GJA3: variants seen among roughly 807,000 people sequenced by gnomAD.
The protein encoded by GJA3 is gap junction alpha-3 protein.
For synonymous variants in GJA3, 297 were observed against 292.6 expected (o/e 1.02, Z -0.15); for missense variants, 571 against 620.3 (o/e 0.92, Z 0.84).
intron 1 of GJA3, among the ~76,000 whole-genome samples, chr13:20,152,637 G>A (rs1019556589): frequency 2.0e-5 from 3 of 152,120 alleles, no homozygotes; most frequent in Non-Finnish European, 4.4e-5. Context: ...GCCTGCCTTG[G>A]TCTCCCAAAG....
At chr13:20,153,268 G>A (rs989651286) in intron 1 of GJA3, among the ~76,000 whole-genome samples, 4 of 152,306 alleles carry the variant, frequency 2.6e-5, no homozygotes, top group African/African-American at 9.6e-5. Flanking sequence ...ATTTAGCACT[G>A]TTCAAGCAAG....
At chr13:20,145,028 T>G (rs1958833916) in intron 1 of GJA3, among the ~76,000 whole-genome samples, 1 of 151,980 alleles carries the variant, frequency 6.6e-6, no homozygotes, top group Non-Finnish European at 1.5e-5. Flanking sequence ...TAATAATACA[T>G]AAGTTAGCCA....
Position 20,142,566 on chromosome 13 carries a change from G to C in GJA3, c.723C>G (p.Asp241Glu). 3.1e-6 allele frequency: 5 copies of C among 1,591,822 alleles called. No homozygotes were observed. Among genetic ancestry groups the C allele is most frequent in the Admixed American group, 1.8e-5 (1 of 56,234 alleles). ...CTGTCCCCAGCGGGGCCTCGGAGGC[G>C]TCCGGGCCGAGGCGGCTGGTCACGC... ...KQGVTSRLGP[D>E]ASEAPLGTAD... The change falls in exon 2 of 2, where the codon GAC becomes GAG. Residue 241 changes from aspartate (D) to glutamate (E), a missense_variant. Physicochemically the swap from Asp to Glu is conservative, Grantham distance 45. Transcript: ENST00000241125.
In GJA3 at chr13:20,141,546, TC is replaced by T. The variant is rs527439343; in HGVS notation, c.*434del. The T allele has an allele frequency of 4.9e-3, 794 of 160,638 alleles. 7 individuals carry two copies. The highest frequency in any genetic ancestry group is 0.018 in the African/African-American group (745 of 41,850). The allele number at this position is 160,638 out of a possible 1,614,324, so 10.0% of individuals were successfully genotyped here. A position where few individuals can be genotyped will look rare whatever the true frequency, so the allele number is the denominator to read the frequency against. ...GTATCAAAGAGATAGAGCTAAGTGC[TC>T]TGGCCCAGAGCTAAGACCCTCTGGG... On this transcript the variant is annotated 3_prime_UTR_variant, in exon 2 of 2. Coordinates refer to ENST00000241125, the MANE Select transcript of GJA3 (RefSeq NM_021954.4).
At chr13:20,144,524 C>T (rs1288620151) in intron 1 of GJA3, among the ~76,000 whole-genome samples, 2 of 152,164 alleles carry the variant, frequency 1.3e-5, no homozygotes, top group African/African-American at 2.4e-5. Context: ...AGTGTGACTC[C>T]GAAGAAGGCA....
chr13:20,148,385 A>C (rs1958856469), intron 1 of GJA3, among the ~76,000 whole-genome samples: 1 of 151,102 alleles, frequency 6.6e-6, no homozygotes, highest in Admixed American at 6.6e-5. Context: ...TCAGCCTACC[A>C]AGTAGCTGGG....
At chr13:20,160,408 T>C (rs1593341969) in intron 1 of GJA3, among the ~76,000 whole-genome samples, 3 of 152,256 alleles carry the variant, frequency 2.0e-5, no homozygotes, top group Non-Finnish European at 4.4e-5. Context: ...AGCACGGCGA[T>C]GCTGAATGCC....
chr13:20,153,200 T>A (rs1385543875), intron 1 of GJA3, among the ~76,000 whole-genome samples: 4 of 145,584 alleles, frequency 2.7e-5, no homozygotes, highest in South Asian at 2.2e-4. Flanking sequence ...AACAAACCTG[T>A]CAAAATAACA....
chr13:20,149,751 C>T (rs140405419), intron 1 of GJA3, among the ~76,000 whole-genome samples: 1 of 152,278 alleles, frequency 6.6e-6, no homozygotes, highest in East Asian at 1.9e-4. Context: ...AAGGTGGGAA[C>T]AGGGGTTGTG....
At position 20,141,993 on chromosome 13, in the gene GJA3, G is replaced by A. The variant is rs1317891531; in HGVS notation, c.1296C>T (p.Asp432=). Reference sequence around the variant, plus strand: ...AGGCACCCGGGCACTAGATGGCCAAGTCCTCCGGTCTGGCCCGCCCGCTGC... The same window carrying A: ...AGGCACCCGGGCACTAGATGGCCAAATCCTCCGGTCTGGCCCGCCCGCTGC... The part of the protein sequence containing the change: ...RASSGRARPE[D]LAI The change falls in exon 2 of 2, where the codon GAC becomes GAT. Residue 432 remains aspartate (D), a synonymous_variant. Transcript: ENST00000241125. 3 of 1,550,120 alleles carry A rather than the reference G, an allele frequency of 1.9e-6. No individual in the cohort carries two copies. Among genetic ancestry groups the A allele is most frequent in the East Asian group, 4.9e-5 (2 of 40,906 alleles).
intron 1 of GJA3, among the ~76,000 whole-genome samples, chr13:20,156,512 A>G (rs557518462): frequency 6.6e-6 from 1 of 152,260 alleles, no homozygotes; most frequent in East Asian, 1.9e-4. Flanking sequence ...TGGTTTCACC[A>G]TGTTGGCCAG....
At chr13:20,158,638 G>A (rs998863130) in intron 1 of GJA3, among the ~76,000 whole-genome samples, 2 of 151,854 alleles carry the variant, frequency 1.3e-5, no homozygotes, top group South Asian at 2.1e-4. Flanking sequence ...TAGGCTGGGC[G>A]CGGTGGCTCA....
intron 1 of GJA3, among the ~76,000 whole-genome samples, chr13:20,160,297 T>C (rs1958929641): frequency 1.3e-5 from 2 of 152,230 alleles, no homozygotes; most frequent in African/African-American, 4.8e-5. Context: ...GTGGCATTAA[T>C]AGCTACAGTG....
intron 1 of GJA3, among the ~76,000 whole-genome samples, chr13:20,158,064 C>T (rs1958916104): frequency 6.6e-6 from 1 of 151,702 alleles, no homozygotes; most frequent in South Asian, 2.1e-4. Flanking sequence ...TCTCAAACTC[C>T]TGGGCTCAAG....
chr13:20,142,334 G>A lies in GJA3; in HGVS notation c.955C>T (p.His319Tyr). Residue 319 changes from histidine to tyrosine, a missense_variant, in exon 2 of 2, where the codon CAC becomes TAC. Physicochemically the swap from His to Tyr is moderately conservative, Grantham distance 83 (BLOSUM62 2). Transcript: ENST00000241125. ...TTCTGCTCAGTCATCAGCAGGTGGT[G>A]GTGGCCGTTGTAGAGCTTGGCGGAC... The part of the protein sequence containing the change: ...GQSAKLYNGH[H>Y]HLLMTEQNWA... 6.4e-7 allele frequency: 1 copy of A among 1,566,766 alleles called. No homozygotes were observed. The highest frequency in any genetic ancestry group is 8.6e-7 in the Non-Finnish European group (1 of 1,157,116).
intron 1 of GJA3, among the ~76,000 whole-genome samples, chr13:20,154,082 C>T (rs977871297): frequency 5.3e-5 from 8 of 152,142 alleles, no homozygotes; most frequent in South Asian, 2.1e-4. Flanking sequence ...ATGTGTCTTT[C>T]GACAATTTTT....
At chr13:20,158,949 GA>G (rs1958921860) in intron 1 of GJA3, among the ~76,000 whole-genome samples, 2 of 119,654 alleles carry the variant, frequency 1.7e-5, no homozygotes, top group Admixed American at 1.6e-4. Context: ...AAAAGAAAAA[GA>G]AAAAAAGCAA....
chr13:20,157,551 A>G (rs965578378), intron 1 of GJA3, among the ~76,000 whole-genome samples: 1 of 152,228 alleles, frequency 6.6e-6, no homozygotes, highest in East Asian at 1.9e-4. Context: ...TGCACAGCCC[A>G]CAGTGCTGAC....
rs192376858 is a variant in GJA3 at position 20,148,495 on chromosome 13, G to A, written c.-17-5190C>T. ...GCTGGTCTGGAACTCCTGGCCTCAA[G>A]TGATCCACCTACCTTGGCCTCCTAC... On this transcript the variant is annotated intron_variant, in intron 1 of 1. Coordinates refer to ENST00000241125, the MANE Select transcript of GJA3 (RefSeq NM_021954.4). Among the ~76,000 whole-genome samples the A allele has an allele frequency of 6.6e-5, 10 of 152,264 alleles. No homozygotes were observed. The East Asian group carries it at 1.9e-3, about 29-fold the overall frequency.
Sources: allele counts gnomAD v4.1 joint callset (sites outside exome capture counted in the v4.1 genomes callset), GRCh38; gene constraint gnomAD v4.1.1; transcripts MANE v1.5; gene names NCBI Gene and HGNC (gene_info 2026-07-23, HGNC 2026-07-21).